The following MCTP2 variants were observed in gnomAD, a reference collection of about 807,000 sequenced individuals.
MCTP2 encodes multiple C2 and transmembrane domain-containing protein 2.
MCTP2 carries 132 observed loss-of-function variants against 111.6 expected under a neutral mutation model. The observed-to-expected ratio is 1.18, with a 90% CI of 1.03 to 1.37. The LOEUF (loss-of-function observed/expected upper bound fraction) is 1.37, where lower values mean the gene tolerates loss of function less well. Ranked by LOEUF, MCTP2 falls within the 40% of genes most tolerant of loss-of-function variation. MCTP2 has a pLI of 0.00. For missense variants in MCTP2, 1,183 were observed against 1,067.9 expected (o/e 1.11, Z -1.50); for synonymous variants, 395 against 387.7 (o/e 1.02, Z -0.22).
chr15:94,324,684 A>G (rs2076779626), intron 4 of MCTP2, among the ~76,000 whole-genome samples: 1 of 152,208 alleles, frequency 6.6e-6, no homozygotes, highest in Admixed American at 6.5e-5. Context: ...AGTCAAGTTC[A>G]TATTTAAAAG....
chr15:94,413,987 A>G (rs760884411), intron 17 of MCTP2, among the ~76,000 whole-genome samples: 2 of 152,178 alleles, frequency 1.3e-5, no homozygotes, highest in Non-Finnish European at 2.9e-5. Flanking sequence ...GGATAAAACT[A>G]ATTTTCAACT....
chr15:94,392,371 C>CAA (rs371531421), intron 14 of MCTP2, among the ~76,000 whole-genome samples: 1,450 of 137,726 alleles, frequency 0.011, 23 homozygotes, highest in African/African-American at 0.035. Context: ...GACTCCATCT[C>CAA]AAAAAAAAAA....
intron 19 of MCTP2, among the ~76,000 whole-genome samples, chr15:94,454,556 T>C (rs962631078): frequency 6.6e-6 from 1 of 151,868 alleles, no homozygotes; most frequent in East Asian, 1.9e-4. Context: ...CCTTCGAAGA[T>C]ATCTCAGTTA....
intron 2 of MCTP2, among the ~76,000 whole-genome samples, chr15:94,304,048 T>TGGTCATCTA (rs1165629903): frequency 3.9e-5 from 6 of 152,230 alleles, no homozygotes; most frequent in Admixed American, 1.3e-4. Context: ...AACTGTCCAG[T>TGGTCATCTA]GGTCATCTAG....
rs546138134 is a variant in MCTP2 at position 94,451,194 on chromosome 15, TG to T, written c.2251-6940del. Among the ~76,000 whole-genome samples the T allele has an allele frequency of 5.3e-5, 8 of 152,338 alleles. No homozygotes were observed. In the South Asian group the frequency reaches 1.4e-3, roughly 28 times the overall value. ...TTTATAAATGAATAATGAAAAATGGTGGGCTTGTACTCATCTTCATATGATA... is the reference window on the plus strand; with the variant it reads ...TTTATAAATGAATAATGAAAAATGGTGGCTTGTACTCATCTTCATATGATA... On this transcript the variant is annotated intron_variant, in intron 19 of 22. Transcript: ENST00000357742.
chr15:94,388,274 T>G (rs1161251376), intron 14 of MCTP2, among the ~76,000 whole-genome samples: 1 of 152,194 alleles, frequency 6.6e-6, no homozygotes, highest in Non-Finnish European at 1.5e-5. Context: ...TTTCAGGGAC[T>G]TCGGGGGACC....
rs537009141 is a variant in MCTP2 at position 94,424,681 on chromosome 15, A to C, written c.2086-15495A>C. ...CCCAAGTGATTATTGAACCATCAGC[A>C]TCAAATGAAAGTTATGATTTTGCAT... is the stretch of plus-strand genomic sequence containing the variant. On this transcript the variant is annotated intron_variant, in intron 17 of 22. Transcript: ENST00000357742. 1.2e-4 allele frequency among the ~76,000 whole-genome samples: 19 copies of C among 152,342 alleles called. No individual in the cohort carries two copies. In the South Asian group the frequency reaches 1.7e-3, roughly 13 times the overall value.
intron 10 of MCTP2, among the ~76,000 whole-genome samples, 197 bp downstream of exon 10, chr15:94,358,809 T>C (rs911530408): frequency 6.6e-6 from 1 of 152,214 alleles, no homozygotes; most frequent in African/African-American, 2.4e-5. Flanking sequence ...GGAAATGTCA[T>C]TCAGTATTGA....
At chr15:94,298,793 T>G in intron 2 of MCTP2, 63 bp downstream of exon 2, 1 of 1,078,788 alleles carries the variant, frequency 9.3e-7, no homozygotes. Flanking sequence ...TCCCTCTCTT[T>G]CTCCCTCTCT....
chr15:94,445,507 A>G (rs1227697391), intron 19 of MCTP2, among the ~76,000 whole-genome samples: 1 of 152,102 alleles, frequency 6.6e-6, no homozygotes, highest in East Asian at 1.9e-4. Context: ...TTCCTTCTGT[A>G]AGGGATTTGT....
intron 17 of MCTP2, among the ~76,000 whole-genome samples, chr15:94,409,002 CA>C (rs1182419978): frequency 3.9e-5 from 6 of 152,264 alleles, no homozygotes; most frequent in Non-Finnish European, 7.4e-5. Context: ...ATTTTCTTTT[CA>C]GGATTCTGTG....
rs2075370200 is a variant in MCTP2 at position 94,298,318 on chromosome 15, C to T, written c.53C>T (p.Pro18Leu). 5.0e-6 allele frequency: 8 copies of T among 1,614,056 alleles called. No individual in the cohort carries two copies. The highest frequency in any genetic ancestry group is 6.8e-6 in the Non-Finnish European group (8 of 1,179,994). ...VWGSLKQRTR[P>L]LLINLSKKKV... ...GGCTCATTAAAACAGCGGACCAGGC[C>T]ATTGTTGATCAACTTGAGCAAGAAG... The change falls in exon 2 of 23, where the codon CCA becomes CTA. Residue 18 changes from proline to leucine, a missense_variant. Pro to Leu is a moderately conservative substitution (Grantham distance 98). Transcript: ENST00000357742.
intron 20 of MCTP2, among the ~76,000 whole-genome samples, chr15:94,469,237 G>A (rs890407840): frequency 6.6e-6 from 1 of 152,122 alleles, no homozygotes; most frequent in Admixed American, 6.5e-5. Context: ...TGAAGATGAA[G>A]ACCATTAAGA....
intron 19 of MCTP2, among the ~76,000 whole-genome samples, chr15:94,456,025 G>GTA (rs1285634189): frequency 1.3e-5 from 2 of 152,098 alleles, no homozygotes; most frequent in Non-Finnish European, 2.9e-5. Flanking sequence ...TGAAAATAAT[G>GTA]TATTTGTGAA....
intron 1 of MCTP2, among the ~76,000 whole-genome samples, chr15:94,235,741 G>A (rs150662696): frequency 4.1e-4 from 63 of 152,292 alleles, no homozygotes; most frequent in African/African-American, 1.4e-3. Context: ...GAAATTGTCC[G>A]TAGTCACACA....
intron 2 of MCTP2, among the ~76,000 whole-genome samples, chr15:94,310,862 G>C (rs1347696032): frequency 6.6e-6 from 1 of 151,716 alleles, no homozygotes; most frequent in African/African-American, 2.4e-5. Flanking sequence ...ATGGCTTAAA[G>C]TTCCAGGAGG....
intron 1 of MCTP2, among the ~76,000 whole-genome samples, chr15:94,256,104 A>G (rs923047171): frequency 6.6e-6 from 1 of 152,176 alleles, no homozygotes; most frequent in East Asian, 1.9e-4. Flanking sequence ...AAAGCTTTTG[A>G]GTGCAGACAT....
intron 1 of MCTP2, among the ~76,000 whole-genome samples, chr15:94,261,393 G>A (rs1349753756): frequency 2.6e-5 from 4 of 152,232 alleles, no homozygotes; most frequent in South Asian, 2.1e-4. Context: ...TGGATAGCAT[G>A]TGGATTCTGT....
chr15:94,406,617 ACATGGAAATGCCCAGCCC>A (rs2081908565), intron 17 of MCTP2, among the ~76,000 whole-genome samples: 1 of 152,234 alleles, frequency 6.6e-6, no homozygotes, highest in Non-Finnish European at 1.5e-5. Flanking sequence ...AAGAAGCCAA[ACATGGAAATGCCCAGCCC>A]CTGGGCATCA....
Sources: gnomAD v4.1 joint callset for allele counts (sites outside exome capture counted in the v4.1 genomes callset) on GRCh38, gnomAD v4.1.1 for gene constraint, MANE v1.5 for transcripts, NCBI Gene and HGNC (gene_info 2026-07-23, HGNC 2026-07-21) for gene names.